The following NPR3 variants were observed in gnomAD, a reference collection of about 807,000 sequenced individuals.
NPR3 encodes the protein atrial natriuretic peptide receptor 3.
NPR3 carries 34 observed loss-of-function variants against 54.5 expected under a neutral mutation model. The observed-to-expected ratio is 0.62, with a 90% confidence interval of 0.47 to 0.83. The LOEUF (loss-of-function observed/expected upper bound fraction) is 0.83, where lower values mean the gene tolerates loss of function less well. Among genes scored for constraint, NPR3 ranks in the 40% least tolerant of loss-of-function variants. NPR3 has a pLI of 0.00. For synonymous variants in NPR3, 289 were observed against 297.1 expected, an observed-to-expected ratio of 0.97 and a Z score of 0.28; for missense variants, 674 against 720.8, an observed-to-expected ratio of 0.94 and a Z score of 0.74.
intron 3 of NPR3, among the ~76,000 whole-genome samples, chr5:32,752,822 G>A (rs1238201613): frequency 6.6e-6 from 1 of 152,180 alleles, no homozygotes; most frequent in Non-Finnish European, 1.5e-5. Context: ...AGAACTATCA[G>A]TTGGCTTTCA....
In NPR3 at chr5:32,728,975, TA is replaced by T. The variant is rs1739301286; in HGVS notation, c.892+4156del. Among the ~76,000 whole-genome samples the T allele has an allele frequency of 2.0e-5, 3 of 147,912 alleles. 1 individual carries two copies. Among genetic ancestry groups the T allele is most frequent in the African/African-American group, 7.4e-5 (3 of 40,784 alleles). ...ACATAGCCTAAAGATAATTTTATTT[TA>T]TTCCCTGAGGATGCTGAATAATATT... On this transcript the variant is annotated intron_variant, in intron 2 of 7. Coordinates refer to ENST00000265074, the MANE Select transcript of NPR3 (RefSeq NM_001204375.2).
At position 32,716,658 on chromosome 5, in the gene NPR3, T is replaced by C. The variant is rs112602342; in HGVS notation, c.769+4113T>C. ...ATTTTTTAGTTAGTTCAGTATTCAG[T>C]ATAAATATTATCATTACTTTCTAAA... On this transcript the variant is annotated intron_variant, in intron 1 of 7. Coordinates refer to ENST00000265074, the MANE Select transcript of NPR3 (RefSeq NM_001204375.2). 3.5e-3 allele frequency: 655 copies of C among 187,468 alleles called. 7 individuals carry two copies. Among genetic ancestry groups the C allele is most frequent in the African/African-American group, 0.015 (617 of 42,312 alleles). The allele number at this position is 187,468 out of a possible 1,614,324, so 11.6% of individuals were successfully genotyped here.
chr5:32,766,839 A>G (rs1741496437), intron 3 of NPR3, among the ~76,000 whole-genome samples: 2 of 152,186 alleles, frequency 1.3e-5, no homozygotes, highest in African/African-American at 2.4e-5. Flanking sequence ...ATTTAGAGAT[A>G]TCTTTGGTGA....
chr5:32,780,840 CA>C (rs1395910499), intron 5 of NPR3, 24 bp downstream of exon 5: 1 of 1,064,114 alleles, frequency 9.4e-7, no homozygotes, highest in African/African-American at 1.6e-5. Flanking sequence ...ACCTCTGCAC[CA>C]GTTGCTCCTT....
upstream of NPR3, chr5:32,710,638 G>C (rs1208273256): frequency 6.8e-7 from 1 of 1,469,922 alleles, no homozygotes; most frequent in African/African-American, 1.4e-5. Context: ...TGACGCCCGG[G>C]CCAGCCGGGC....
At chr5:32,709,885 T>C (rs556326423), upstream of NPR3, 1 of 151,948 alleles carries the variant, frequency 6.6e-6, no homozygotes, top group East Asian at 1.9e-4. Flanking sequence ...CCGGGTTGAG[T>C]CGGGTGCAAG....
At position 32,725,506 on chromosome 5, in the gene NPR3, T is replaced by C. The variant is rs1579610628; in HGVS notation, c.892+686T>C. On this transcript the variant is annotated intron_variant, in intron 2 of 7. Transcript: ENST00000265074. ...TAGCCCACTCCTGCACTCCAAATGG[T>C]CATAAATCCAGGCCCCAAAGACCTC... Among the ~76,000 whole-genome samples, 4 of 152,256 alleles carry C rather than the reference T, an allele frequency of 2.6e-5. 1 individual carries two copies. Among genetic ancestry groups the C allele is most frequent in the Admixed American group, 2.6e-4 (4 of 15,294 alleles).
rs1232581360 is a variant in NPR3 at position 32,748,912 on chromosome 5, T to C, written c.1059+9882T>C. On this transcript the variant is annotated intron_variant, in intron 3 of 7. Transcript: ENST00000265074. ...TTTCTCTCCTATTTTCCAACTCTTC[T>C]TTTTTCTTTTACTTTCTGAGAAATT... Among the ~76,000 whole-genome samples, 3 of 151,550 alleles carry C rather than the reference T, an allele frequency of 2.0e-5. No individual in the cohort carries two copies. The East Asian group carries it at 5.8e-4, about 29-fold the overall frequency.
At chr5:32,698,729 C>G (rs1489011420) in intron 1 of NPR3, among the ~76,000 whole-genome samples, 1 of 148,268 alleles carries the variant, frequency 6.7e-6, no homozygotes, top group Non-Finnish European at 1.5e-5. Flanking sequence ...TAGATAATGA[C>G]CTTGTTTGTC....
chr5:32,696,867 A>G (rs550249568), intron 1 of NPR3, among the ~76,000 whole-genome samples: 1 of 152,186 alleles, frequency 6.6e-6, no homozygotes, highest in Non-Finnish European at 1.5e-5. Context: ...ACTTTACTGA[A>G]TTTATCAGTT....
rs1476928931 is a variant in NPR3 at position 32,788,700 on chromosome 5, C to T, written c.*2355C>T. 1 of 152,144 alleles carries T rather than the reference C, an allele frequency of 6.6e-6. No homozygotes were observed. Among genetic ancestry groups the T allele is most frequent in the African/African-American group, 2.4e-5 (1 of 41,444 alleles). The allele number at this position is 152,144 out of a possible 1,614,324, so 9.4% of individuals were successfully genotyped here. ...CTTCAGGTAGAGGAATAGTCCTAAACTTAATATGATAGCTCTAGATAAGAT... is the reference window on the plus strand; with the variant it reads ...CTTCAGGTAGAGGAATAGTCCTAAATTTAATATGATAGCTCTAGATAAGAT... On this transcript the variant is annotated 3_prime_UTR_variant, in exon 8 of 8. Transcript: ENST00000265074.
At chr5:32,733,088 G>A (rs979504875) in intron 2 of NPR3, among the ~76,000 whole-genome samples, 13 of 151,956 alleles carry the variant, frequency 8.6e-5, no homozygotes, top group African/African-American at 9.7e-5. Context: ...CAGATGATCC[G>A]CCTGCCTCGG....
upstream of NPR3, chr5:32,709,676 G>C (rs1293255263): frequency 1.3e-5 from 2 of 152,160 alleles, no homozygotes; most frequent in East Asian, 3.9e-4. Flanking sequence ...AAATGACCCA[G>C]AAGCTGAAAC....
In NPR3 at chr5:32,718,195, C is replaced by T. The variant is rs559525573; in HGVS notation, c.769+5650C>T. Among the ~76,000 whole-genome samples the T allele has an allele frequency of 3.4e-4, 52 of 152,144 alleles. 2 individuals are homozygous for T. In the South Asian group the frequency reaches 7.1e-3, roughly 21 times the overall value. On this transcript the variant is annotated intron_variant, in intron 1 of 7. Coordinates refer to ENST00000265074, the MANE Select transcript of NPR3 (RefSeq NM_001204375.2). ...GAGGCCTCTGTTCTGTTCCATTGGT[C>T]TATATATTTGTTTTGGTACTGGTGC...
At chr5:32,747,157 G>A (rs1366674039) in intron 3 of NPR3, among the ~76,000 whole-genome samples, 2 of 152,016 alleles carry the variant, frequency 1.3e-5, no homozygotes, top group African/African-American at 4.8e-5. Flanking sequence ...TGTTTTATCT[G>A]CTTTTCTGCT....
chr5:32,760,648 C>T (rs368960846), intron 3 of NPR3, among the ~76,000 whole-genome samples: 55 of 146,704 alleles, frequency 3.7e-4, no homozygotes, highest in Admixed American at 8.9e-4. Context: ...ATTTTAACTG[C>T]GCTTTTTGAT....
intron 1 of NPR3, chr5:32,713,203 A>C (rs2111846513): frequency 1.0e-6 from 1 of 985,424 alleles, no homozygotes; most frequent in Non-Finnish European, 1.2e-6. Context: ...CTTCTCCCAG[A>C]GTGTTCTGCA....
intron 1 of NPR3, among the ~76,000 whole-genome samples, chr5:32,696,542 T>C (rs1181597877): frequency 6.6e-6 from 1 of 152,120 alleles, no homozygotes; most frequent in Non-Finnish European, 1.5e-5. Flanking sequence ...CTGTGAAGAA[T>C]GTCATTGGTA....
chr5:32,783,290 C>T (rs1742434863), intron 6 of NPR3: 1 of 334,122 alleles, frequency 3.0e-6, no homozygotes, highest in African/African-American at 2.1e-5. Context: ...GTCATGTTTC[C>T]ACTTTTAGAG....
Sources: gnomAD v4.1 joint callset for allele counts (sites outside exome capture counted in the v4.1 genomes callset) on GRCh38, gnomAD v4.1.1 for gene constraint, MANE v1.5 for transcripts, NCBI Gene and HGNC (gene_info 2026-07-23, HGNC 2026-07-21) for gene names.